Variants in ZNF208 observed in about 807,000 individuals in gnomAD.
The protein encoded by ZNF208 is zinc finger protein 208, also known as zinc finger protein 95.
In ZNF208, 10 loss-of-function variants were observed where a neutral mutation model predicts 12.1. The observed-to-expected ratio is 0.83, with a 90% CI of 0.51 to 1.40. The LOEUF (loss-of-function observed/expected upper bound fraction) is 1.40, where lower values mean the gene tolerates loss of function less well. Ranked by LOEUF, ZNF208 falls within the 40% of genes most tolerant of loss-of-function variation. The pLI is 0.00. For missense variants in ZNF208, 1,652 were observed against 1,485.0 expected, an observed-to-expected ratio of 1.11 and a Z score of -1.85; for synonymous variants, 497 against 488.4, an observed-to-expected ratio of 1.02 and a Z score of -0.23.
At chr19:21,963,124 TCTTA>T (rs1469470648), downstream of ZNF208, among the ~76,000 whole-genome samples, 1 of 142,318 alleles carries the variant, frequency 7.0e-6, no homozygotes, top group Non-Finnish European at 1.5e-5. Context: ...GCAATGCTCT[TCTTA>T]CTTTAACAAT....
At chr19:22,005,055 G>C (rs1283756419) in intron 1 of ZNF208, among the ~76,000 whole-genome samples, 2 of 152,190 alleles carry the variant, frequency 1.3e-5, no homozygotes. Context: ...ATAAGATTAT[G>C]AACCCTAGGC....
intron 1 of ZNF208, among the ~76,000 whole-genome samples, chr19:21,992,078 C>T (rs1042745049): frequency 4.6e-5 from 7 of 151,902 alleles, no homozygotes; most frequent in African/African-American, 1.7e-4. Flanking sequence ...CAAAAACAGA[C>T]AAATGGAAAG....
At chr19:21,997,866 A>C (rs1198102465) in intron 1 of ZNF208, 2 of 152,158 alleles carry the variant, frequency 1.3e-5, no homozygotes, top group African/African-American at 4.8e-5. Flanking sequence ...ACACCACGGG[A>C]TACTAATAGG....
intron 3 of ZNF208, among the ~76,000 whole-genome samples, chr19:21,982,933 C>T (rs1970569796): frequency 6.6e-6 from 1 of 152,140 alleles, no homozygotes; most frequent in Non-Finnish European, 1.5e-5. Context: ...CTAGACAATA[C>T]TATTCAGGAC....
intron 1 of ZNF208, among the ~76,000 whole-genome samples, chr19:21,999,082 C>G (rs1444991092): frequency 7.6e-5 from 2 of 26,218 alleles, no homozygotes; most frequent in East Asian, 2.0e-3. Context: ...AAATTATATA[C>G]CTATAATTTA....
chr19:21,988,206 A>G (rs1346690249), intron 2 of ZNF208, among the ~76,000 whole-genome samples: 1 of 152,162 alleles, frequency 6.6e-6, no homozygotes, highest in Non-Finnish European at 1.5e-5. Flanking sequence ...AAACATCTTG[A>G]ATTTTTTTTC....
chr19:22,009,236 G>A (rs1263895497), intron 1 of ZNF208, among the ~76,000 whole-genome samples: 1 of 152,174 alleles, frequency 6.6e-6, no homozygotes, highest in Admixed American at 6.5e-5. Context: ...TAAGGGAGGG[G>A]AAATTGGCGT....
intron 4 of ZNF208, among the ~76,000 whole-genome samples, chr19:21,959,079 T>G (rs1334047401): frequency 1.3e-5 from 2 of 151,310 alleles, no homozygotes; most frequent in East Asian, 3.9e-4. Flanking sequence ...CTCAGTCTCA[T>G]GATTAAAAAA....
chr19:21,964,383 A>T (rs1269733797), downstream of ZNF208, among the ~76,000 whole-genome samples: 1 of 151,818 alleles, frequency 6.6e-6, no homozygotes, highest in Non-Finnish European at 1.5e-5. Flanking sequence ...ACAGACTCTA[A>T]AGCAACTGTT....
intron 4 of ZNF208, among the ~76,000 whole-genome samples, chr19:21,945,110 A>G (rs1430267684): frequency 1.3e-5 from 2 of 152,232 alleles, no homozygotes; most frequent in Non-Finnish European, 2.9e-5. Flanking sequence ...ACAAGCATGT[A>G]CAGCTACTGT....
chr19:21,973,513 G>C lies in ZNF208; in HGVS notation c.1521C>G (p.Asn507Lys), dbSNP rs755262439. 1.2e-6 allele frequency: 2 copies of C among 1,609,788 alleles called. No individual in the cohort carries two copies. Among genetic ancestry groups the C allele is most frequent in the East Asian group, 2.2e-5 (1 of 44,472 alleles). The change falls in exon 4 of 4, where the codon AAC becomes AAG. Residue 507 changes from asparagine (N) to lysine (K), a missense_variant. Asn to Lys is a moderately conservative substitution (Grantham distance 94). Transcript: ENST00000397126. ...TATGTTCCATAAGGTTTGAGGACCAGTTGAAAGCTTTGCCACATTCTTCAC... is the reference window on the plus strand; with the variant it reads ...TATGTTCCATAAGGTTTGAGGACCACTTGAAAGCTTTGCCACATTCTTCAC... ...YKCEECGKAFNWSSNLMEHKR... is the reference protein window; with the variant it reads ...YKCEECGKAFKWSSNLMEHKR...
At chr19:21,947,273 T>C (rs1568432862) in intron 4 of ZNF208, among the ~76,000 whole-genome samples, 1 of 152,318 alleles carries the variant, frequency 6.6e-6, no homozygotes, top group African/African-American at 2.4e-5. Context: ...GCATTTGATT[T>C]GTTTTTTTCT....
intron 2 of ZNF208, 126 bp downstream of exon 2, chr19:21,988,657 C>T (rs1195584490): frequency 6.3e-7 from 1 of 1,577,172 alleles, no homozygotes; most frequent in African/African-American, 1.4e-5. Flanking sequence ...ACCCCTTCTT[C>T]CAAATATACT....
chr19:22,008,503 C>T (rs1190789615), intron 1 of ZNF208, among the ~76,000 whole-genome samples: 1 of 151,880 alleles, frequency 6.6e-6, no homozygotes, highest in Non-Finnish European at 1.5e-5. Context: ...CAGTGAGTGC[C>T]CCAGGTACAT....
chr19:21,953,427 C>T lies in ZNF208; in HGVS notation c.306-20190G>A, dbSNP rs115449179. On this transcript the variant is annotated intron_variant, in intron 4 of 4. Transcript: ENST00000599916. ...GGGTAGCCAGAAAGGTCAGGTTACC[C>T]CCAAAAGGAAGTCCATCAGACTAAC... Among the ~76,000 whole-genome samples the T allele has an allele frequency of 7.2e-3, 1,098 of 152,126 alleles. 10 individuals carry two copies. The highest frequency in any genetic ancestry group is 0.034 in the Middle Eastern group (10 of 294).
intron 4 of ZNF208, among the ~76,000 whole-genome samples, chr19:21,957,722 T>C (rs1439747967): frequency 6.6e-6 from 1 of 152,206 alleles, no homozygotes; most frequent in Admixed American, 6.5e-5. Context: ...TGTGGAGAGA[T>C]AGTTACTCTT....
intron 4 of ZNF208, among the ~76,000 whole-genome samples, chr19:21,942,840 G>A (rs1349515955): frequency 1.3e-5 from 2 of 152,010 alleles, no homozygotes; most frequent in Non-Finnish European, 2.9e-5. Flanking sequence ...TAGTAGAGAT[G>A]GGGTTTCACT....
Position 21,979,546 on chromosome 19 carries a change from C to G in ZNF208, c.227-4739G>C, listed in dbSNP as rs539059073. On this transcript the variant is annotated intron_variant, in intron 3 of 3. Transcript: ENST00000397126. ...CAAATGCTGAGAGATTTTGTCACCA[C>G]CAGGCCTGCCTTACAAGAGCTCCTG... is the stretch of plus-strand genomic sequence containing the variant. Among the ~76,000 whole-genome samples the G allele has an allele frequency of 2.8e-3, 432 of 152,288 alleles. 8 individuals are homozygous for G. Among genetic ancestry groups the G allele is most frequent in the Middle Eastern group, 3.4e-3 (1 of 294 alleles).
chr19:21,973,671 A>C lies in ZNF208; in HGVS notation c.1363T>G (p.Cys455Gly), dbSNP rs1482528859. 1.9e-6 allele frequency: 3 copies of C among 1,570,702 alleles called. No homozygotes were observed. Among genetic ancestry groups the C allele is most frequent in the Non-Finnish European group, 2.6e-6 (3 of 1,144,390 alleles). Residue 455 changes from cysteine (C) to glycine (G), a missense_variant, in exon 4 of 4, where the codon TGT (cysteine) becomes GGT (glycine). Physicochemically the swap from Cys to Gly is radical, Grantham distance 159 (BLOSUM62 -3). Coordinates refer to ENST00000397126, the MANE Select transcript of ZNF208 (RefSeq NM_007153.3). ...KIHTGETPYK[C>G]EECGKGFSMF... ...CTAAAGCCTTTGCCACATTCTTCAC[A>C]TTTGTAGGGTGTCTCTCCAGTGTGA...
Sources: gnomAD v4.1 joint callset for allele counts (sites outside exome capture counted in the v4.1 genomes callset) on GRCh38, gnomAD v4.1.1 for gene constraint, MANE v1.5 for transcripts, NCBI Gene and HGNC (gene_info 2026-07-23, HGNC 2026-07-21) for gene names.